Variants in APOB observed in about 807,000 individuals in gnomAD.
The protein encoded by APOB is apolipoprotein B.
A neutral mutation model predicts 314.1 loss-of-function variants in APOB; 153 were observed. The ratio of observed to expected loss-of-function variants is 0.49; its 90% CI spans 0.43 to 0.56. APOB has a LOEUF of 0.56. Ranked by LOEUF, APOB falls within the 20% of genes least tolerant of loss-of-function variation. APOB has a pLI of 0.00. For missense variants in APOB, 5,430 were observed against 5,350.7 expected, an observed-to-expected ratio of 1.01 and a Z score of -0.46; for synonymous variants, 2,087 against 2,036.4, an observed-to-expected ratio of 1.02 and a Z score of -0.67.
At chr2:21,042,241 G>A (rs1664148047) in intron 3 of APOB, 120 bp downstream of exon 3, 1 of 790,472 alleles carries the variant, frequency 1.3e-6, no homozygotes, top group South Asian at 1.4e-5. Flanking sequence ...CAACAGTTCT[G>A]GGATGTTCTG....
Position 21,035,711 on chromosome 2 carries a change from A to C in APOB, c.694-3T>G. ...ATCAGAGTTGACAAGGGGCGGGTCT[A>C]TGAAAGAGATTGGAGACGAGCATTT... On this transcript the variant is annotated splice_region_variant and splice_polypyrimidine_tract_variant and intron_variant, in intron 6 of 28. Coordinates refer to ENST00000233242, the MANE Select transcript of APOB (RefSeq NM_000384.3). The C allele has an allele frequency of 6.2e-7, 1 of 1,613,942 alleles. No homozygotes were observed. The highest frequency in any genetic ancestry group is 1.1e-5 in the South Asian group (1 of 91,068).
intron 17 of APOB, 131 bp from the exon 18 acceptor site, chr2:21,023,173 A>T: frequency 1.1e-6 from 1 of 884,004 alleles, no homozygotes; most frequent in Non-Finnish European, 1.8e-6. Context: ...CATTACTGGG[A>T]TTTGTTTGGA....
intron 9 of APOB, 143 bp from the exon 10 acceptor site, chr2:21,032,724 A>C: frequency 6.9e-6 from 5 of 728,006 alleles, no homozygotes; most frequent in East Asian, 2.7e-5. Flanking sequence ...CTTGGAGCTC[A>C]GAACCATGAT....
At chr2:21,021,379 A>T (rs1663602604) in intron 18 of APOB, among the ~76,000 whole-genome samples, 1 of 152,130 alleles carries the variant, frequency 6.6e-6, no homozygotes, top group Non-Finnish European at 1.5e-5. Context: ...GCCACATAGG[A>T]TCGTAAGAGA....
Position 21,012,418 on chromosome 2 carries a change from C to T in APOB, c.4450G>A (p.Val1484Ile), listed in dbSNP as rs1369861652. The change falls in exon 26 of 29, where the codon GTC (valine) becomes ATC (isoleucine). Residue 1484 changes from valine (V) to isoleucine (I), a missense_variant. Coordinates refer to ENST00000233242, the MANE Select transcript of APOB (RefSeq NM_000384.3). Reference protein sequence around the residue: ...KKKQHLFVKEVKIDGQFRVSS... With the variant: ...KKKQHLFVKEIKIDGQFRVSS... ...ACTCTGAACTGCCCATCAATCTTGA[C>T]TTCTTTGACAAACAAATGCTGTTTC... 2 of 1,614,184 alleles carry T rather than the reference C, an allele frequency of 1.2e-6. No homozygotes were observed. Among genetic ancestry groups the T allele is most frequent in the Non-Finnish European group, 8.5e-7 (1 of 1,180,026 alleles).
chr2:21,024,891 A>C, intron 16 of APOB, 42 bp downstream of exon 16: 1 of 1,610,762 alleles, frequency 6.2e-7, no homozygotes, highest in Non-Finnish European at 8.5e-7. Context: ...AAAAAAACCA[A>C]CGTCTGGTCT....
intron 9 of APOB, among the ~76,000 whole-genome samples, chr2:21,032,875 G>A (rs1028194462): frequency 7.2e-5 from 11 of 152,004 alleles, no homozygotes; most frequent in African/African-American, 2.7e-4. Flanking sequence ...ACATTAGCTG[G>A]GTCTCATTCC....
chr2:21,018,603 T>C (rs1663530860), intron 20 of APOB, among the ~76,000 whole-genome samples: 1 of 152,184 alleles, frequency 6.6e-6, no homozygotes, highest in Non-Finnish European at 1.5e-5. Context: ...TATGCTCACT[T>C]TACCAGGGAG....
intron 3 of APOB, among the ~76,000 whole-genome samples, 192 bp downstream of exon 3, chr2:21,042,169 A>G (rs112112746): frequency 5.3e-5 from 8 of 152,346 alleles, no homozygotes; most frequent in African/African-American, 1.9e-4. Flanking sequence ...GGGGCAGACC[A>G]CATCTCAGCA....
At position 21,002,620 on chromosome 2, in the gene APOB, T is replaced by C; in HGVS notation, c.12802A>G (p.Met4268Val). The change falls in exon 29 of 29, where the codon ATG (methionine) becomes GTG (valine). Residue 4268 changes from methionine to valine, a missense_variant. Around this residue, in one of 3 missense-constraint regions of APOB, gnomAD observed 3,281 missense variants for 3,171.0 expected, o/e 1.03. Transcript: ENST00000233242. Reference protein sequence around the residue: ...RKHKLIDVISMYRELLKDLSK... With the variant: ...RKHKLIDVISVYRELLKDLSK... Reference sequence around the variant, plus strand: ...AAATCTTTCAACAGTTCCCTATACATCGAGATTACATCTATTAGTTTATGT... The same window carrying C: ...AAATCTTTCAACAGTTCCCTATACACCGAGATTACATCTATTAGTTTATGT... The C allele has an allele frequency of 6.2e-7, 1 of 1,614,050 alleles. No individual in the cohort carries two copies. The highest frequency in any genetic ancestry group is 8.5e-7 in the Non-Finnish European group (1 of 1,179,956).
At chr2:21,034,948 T>C (rs761674480) in intron 7 of APOB, 47 bp from the exon 8 acceptor site, 64 of 940,826 alleles carry the variant, frequency 6.8e-5, no homozygotes, top group Middle Eastern at 2.1e-4. Context: ...CAGAACATAC[T>C]ATTCTTTCCA....
At position 21,002,565 on chromosome 2, in the gene APOB, G is replaced by A. The variant is rs1381139211; in HGVS notation, c.12857C>T (p.Ala4286Val). Residue 4286 changes from alanine (A) to valine (V), a missense_variant, in exon 29 of 29, where the codon GCC (alanine) becomes GTC (valine). Physicochemically the swap from Ala to Val is moderately conservative, Grantham distance 64. Coordinates refer to ENST00000233242, the MANE Select transcript of APOB (RefSeq NM_000384.3). Reference protein sequence around the residue: ...LSKEAQEVFKAIQSLKTTEVL... With the variant: ...LSKEAQEVFKVIQSLKTTEVL... ...CTCTGTGGTCTTGAGAGACTGAATGGCTTTAAATACCTCTTGGGCTTCTTT... is the reference window on the plus strand; with the variant it reads ...CTCTGTGGTCTTGAGAGACTGAATGACTTTAAATACCTCTTGGGCTTCTTT... 2 of 1,614,026 alleles carry A rather than the reference G, an allele frequency of 1.2e-6. No homozygotes were observed. The highest frequency in any genetic ancestry group is 2.2e-5 in the East Asian group (1 of 44,872).
chr2:21,027,489 A>C (rs1332077313), intron 14 of APOB, among the ~76,000 whole-genome samples: 1 of 151,824 alleles, frequency 6.6e-6, no homozygotes, highest in Non-Finnish European at 1.5e-5. Flanking sequence ...AATTTTTTGT[A>C]TTTTTAGTAG....
Position 21,010,954 on chromosome 2 carries a change from G to A in APOB, c.5914C>T (p.Leu1972Phe), listed in dbSNP as rs1401618189. 1.2e-6 allele frequency: 2 copies of A among 1,614,152 alleles called. No individual in the cohort carries two copies. Among genetic ancestry groups the A allele is most frequent in the South Asian group, 1.1e-5 (1 of 91,078 alleles). Reference protein sequence around the residue: ...AALEHKVSALLTPAEQTGTWK... With the variant: ...AALEHKVSALFTPAEQTGTWK... ...GTGCCTGTCTGCTCAGCTGGAGTAA[G>A]CAGGGCACTGACTTTGTGTTCAAGA... The change falls in exon 26 of 29, where the codon CTT becomes TTT. Residue 1972 changes from leucine (L) to phenylalanine (F), a missense_variant. Around this residue, in one of 3 missense-constraint regions of APOB, gnomAD observed 3,281 missense variants for 3,171.0 expected, o/e 1.03. Transcript: ENST00000233242.
In APOB at chr2:21,028,522, A is replaced by G. The variant is rs555178793; in HGVS notation, c.1634T>C (p.Leu545Pro). The change falls in exon 13 of 29, where the codon CTT becomes CCT. Residue 545 changes from leucine to proline, a missense_variant. Physicochemically the swap from Leu to Pro is moderately conservative, Grantham distance 98 (BLOSUM62 -3). Transcript: ENST00000233242. Reference sequence around the variant, plus strand: ...AGAAGCATCATCAAGGAAAGTCTGAAGAAGAACCTCCTGGTCCTGCAGTCA... The same window carrying G: ...AGAAGCATCATCAAGGAAAGTCTGAGGAAGAACCTCCTGGTCCTGCAGTCA... ...EPKDKDQEVLLQTFLDDASPG... is the reference protein window; with the variant it reads ...EPKDKDQEVLPQTFLDDASPG... 1 of 1,612,654 alleles carries G rather than the reference A, an allele frequency of 6.2e-7. No individual in the cohort carries two copies. The highest frequency in any genetic ancestry group is 8.5e-7 in the Non-Finnish European group (1 of 1,179,660).
At chr2:21,035,782 A>G (rs1558575281) in intron 6 of APOB, 74 bp from the exon 7 acceptor site, 2 of 1,472,170 alleles carry the variant, frequency 1.4e-6, no homozygotes, top group Admixed American at 3.5e-5. Flanking sequence ...CCTTCAAGGT[A>G]GAAGGGAGCA....
chr2:21,028,101 C>T, intron 13 of APOB, 36 bp from the exon 14 acceptor site: 1 of 1,433,108 alleles, frequency 7.0e-7, no homozygotes, highest in Non-Finnish European at 9.8e-7. Flanking sequence ...GCTGACACAC[C>T]ATGTTATTAT....
At chr2:21,030,051 C>A (rs550619005) in intron 10 of APOB, 36 bp from the exon 11 acceptor site, 5 of 1,367,062 alleles carry the variant, frequency 3.7e-6, no homozygotes, top group African/African-American at 2.9e-5. Context: ...GACTTGGTAA[C>A]CCCAGTTAGG....
In APOB at chr2:21,010,557, A is replaced by G. The variant is rs773066096; in HGVS notation, c.6311T>C (p.Ile2104Thr). 6.2e-7 allele frequency: 1 copy of G among 1,613,150 alleles called. No homozygotes were observed. Among genetic ancestry groups the G allele is most frequent in the South Asian group, 1.1e-5 (1 of 90,918 alleles). The stretch of plus-strand genomic sequence containing the variant: ...TCTGTATTTTCTTACAAATTGATCA[A>G]TATTGATGTGCTTCAGGTTTCTCTG... ...NVQRNLKHIN[I>T]DQFVRKYRAA... The change falls in exon 26 of 29, where the codon ATT (isoleucine) becomes ACT (threonine). Residue 2104 changes from isoleucine to threonine, a missense_variant. Physicochemically the swap from Ile to Thr is moderately conservative, Grantham distance 89. Around this residue, in one of 3 missense-constraint regions of APOB, gnomAD observed 3,281 missense variants for 3,171.0 expected, o/e 1.03. Transcript: ENST00000233242.
Sources: allele counts gnomAD v4.1 joint callset (sites outside exome capture counted in the v4.1 genomes callset), GRCh38; gene constraint gnomAD v4.1.1; regional missense constraint gnomAD v4.1.1; transcripts MANE v1.5; gene names NCBI Gene and HGNC (gene_info 2026-07-23, HGNC 2026-07-21).